Variants in IL1RAPL1 observed in about 807,000 individuals in gnomAD.
The protein encoded by IL1RAPL1 is interleukin 1 receptor accessory protein like 1, also known as interleukin-1 receptor accessory protein-like 1.
In IL1RAPL1, 3 loss-of-function variants were observed where a neutral mutation model predicts 48.4. The ratio of observed to expected loss-of-function variants is 0.06; its 90% CI spans 0.03 to 0.16. The LOEUF (loss-of-function observed/expected upper bound fraction) is 0.16. Among genes scored for constraint, IL1RAPL1 ranks in the 10% least tolerant of loss-of-function variants. IL1RAPL1 has a pLI of 1.00. For missense variants in IL1RAPL1, 349 were observed against 530.6 expected (o/e 0.66, Z 3.36); for synonymous variants, 185 against 187.7 (o/e 0.99, Z 0.12).
intron 2 of IL1RAPL1, among the ~76,000 whole-genome samples, chrX:28,905,833 A>T (rs147318756): frequency 0.017 from 1,900 of 111,798 alleles, 23 homozygotes; most frequent in Non-Finnish European, 0.024. Flanking sequence ...GGAAGTGTGT[A>T]TGTGTGAGAT....
At chrX:29,335,833 T>G (rs1324977463) in intron 3 of IL1RAPL1, among the ~76,000 whole-genome samples, 1 of 111,431 alleles carries the variant, frequency 9.0e-6, no homozygotes, top group Non-Finnish European at 1.9e-5. Context: ...AAATGATAGA[T>G]GTTGAATTTG....
intron 2 of IL1RAPL1, among the ~76,000 whole-genome samples, chrX:29,118,285 A>G (rs1305160778): frequency 3.6e-5 from 4 of 112,380 alleles, no homozygotes; most frequent in African/African-American, 9.6e-5. Context: ...AAAATGTTTT[A>G]TAGGTATCAT....
intron 5 of IL1RAPL1, among the ~76,000 whole-genome samples, chrX:29,481,058 T>C (rs1186359217): frequency 8.9e-6 from 1 of 112,498 alleles, no homozygotes; most frequent in East Asian, 2.8e-4. Flanking sequence ...TTATTAGATG[T>C]TTAATGATAA....
intron 8 of IL1RAPL1, among the ~76,000 whole-genome samples, chrX:29,940,274 C>T (rs1483103490): frequency 9.0e-6 from 1 of 111,111 alleles, no homozygotes; most frequent in Non-Finnish European, 1.9e-5. Context: ...GATTATTTGT[C>T]ACTCATATTA....
intron 5 of IL1RAPL1, among the ~76,000 whole-genome samples, chrX:29,441,184 T>C (rs988081866): frequency 9.0e-6 from 1 of 111,552 alleles, no homozygotes; most frequent in African/African-American, 3.3e-5. Context: ...CACTGGAATA[T>C]GTCCATGTTA....
At chrX:29,212,966 G>A (rs1286131374) in intron 2 of IL1RAPL1, among the ~76,000 whole-genome samples, 1 of 111,558 alleles carries the variant, frequency 9.0e-6, no homozygotes, top group Non-Finnish European at 1.9e-5. Context: ...TGTGTTGTCC[G>A]AGAGTCAACT....
intron 2 of IL1RAPL1, among the ~76,000 whole-genome samples, chrX:29,217,341 A>G (rs1930889326): frequency 8.9e-6 from 1 of 112,395 alleles, no homozygotes; most frequent in African/African-American, 3.2e-5. Flanking sequence ...TCTAATTCAA[A>G]AAGCCATTGT....
At chrX:29,875,468 C>T (rs998936658) in intron 6 of IL1RAPL1, among the ~76,000 whole-genome samples, 8 of 111,528 alleles carry the variant, frequency 7.2e-5, no homozygotes, top group African/African-American at 2.0e-4. Flanking sequence ...CCTTGGAATG[C>T]TTGCTATCAA....
intron 2 of IL1RAPL1, among the ~76,000 whole-genome samples, chrX:29,272,147 T>C (rs1421519310): frequency 1.8e-5 from 2 of 111,973 alleles, no homozygotes; most frequent in Non-Finnish European, 3.8e-5. Flanking sequence ...TCAGTACCAT[T>C]TATTGAATAG....
At chrX:28,753,668 T>A (rs186347543) in intron 1 of IL1RAPL1, among the ~76,000 whole-genome samples, 2 of 112,537 alleles carry the variant, frequency 1.8e-5, no homozygotes, top group East Asian at 2.8e-4. Flanking sequence ...ATAACATTTT[T>A]AAAATATGAT....
intron 6 of IL1RAPL1, among the ~76,000 whole-genome samples, chrX:29,843,211 GT>G (rs1931172205): frequency 9.0e-6 from 1 of 111,533 alleles, no homozygotes; most frequent in Non-Finnish European, 1.9e-5. Context: ...AATGCAACTG[GT>G]GCAATGTACT....
intron 2 of IL1RAPL1, among the ~76,000 whole-genome samples, chrX:28,897,262 G>C (rs763632459): frequency 9.0e-6 from 1 of 111,629 alleles, no homozygotes; most frequent in East Asian, 2.9e-4. Flanking sequence ...TTGCCGCTAA[G>C]GGTGAAGGAC....
intron 2 of IL1RAPL1, among the ~76,000 whole-genome samples, chrX:29,155,425 A>G (rs1569247916): frequency 8.9e-6 from 1 of 112,059 alleles, no homozygotes; most frequent in Non-Finnish European, 1.9e-5. Flanking sequence ...TGAGAGCTCT[A>G]TTGTTGTCTT....
At chrX:29,402,071 T>C (rs951026035) in intron 5 of IL1RAPL1, among the ~76,000 whole-genome samples, 2 of 110,966 alleles carry the variant, frequency 1.8e-5, no homozygotes, top group Non-Finnish European at 3.8e-5. Flanking sequence ...TTTTTGTATT[T>C]TTAGTAGAGA....
At chrX:28,819,502 A>G (rs775635680) in intron 2 of IL1RAPL1, among the ~76,000 whole-genome samples, 4 of 111,223 alleles carry the variant, frequency 3.6e-5, no homozygotes, top group Non-Finnish European at 5.7e-5. Context: ...GCTAAAACAA[A>G]TATATACACT....
chrX:29,246,781 A>G (rs1438908039), intron 2 of IL1RAPL1, among the ~76,000 whole-genome samples: 1 of 111,179 alleles, frequency 9.0e-6, no homozygotes, highest in African/African-American at 3.3e-5. Context: ...TCTTTTTGTA[A>G]CCATAATTGT....
chrX:29,458,465 C>CGGG (rs1569315862), intron 5 of IL1RAPL1, among the ~76,000 whole-genome samples: 1 of 110,207 alleles, frequency 9.1e-6, no homozygotes, highest in African/African-American at 3.3e-5. Context: ...CCTTGACTGC[C>CGGG]CAGTCAAGTT....
At chrX:28,848,248 T>C (rs1260337173) in intron 2 of IL1RAPL1, among the ~76,000 whole-genome samples, 1 of 111,184 alleles carries the variant, frequency 9.0e-6, no homozygotes, top group Non-Finnish European at 1.9e-5. Context: ...GGTTGGTAGA[T>C]GCAGCAAGCC....
At chrX:28,616,477 G>A (rs1457989947) in intron 1 of IL1RAPL1, among the ~76,000 whole-genome samples, 4 of 107,695 alleles carry the variant, frequency 3.7e-5, no homozygotes, top group African/African-American at 1.0e-4. Context: ...CTTGTCACCC[G>A]GGCTGGAGTG....
Sources: gnomAD v4.1 joint callset for allele counts (sites outside exome capture counted in the v4.1 genomes callset) on GRCh38, gnomAD v4.1.1 for gene constraint, MANE v1.5 for transcripts, NCBI Gene and HGNC (gene_info 2026-07-23, HGNC 2026-07-21) for gene names.